ZNG1F: variants seen among roughly 807,000 people sequenced by gnomAD.
The protein encoded by ZNG1F is zinc-regulated GTPase metalloprotein activator 1F.
At chr9:41,154,833 C>T in the ZNG1F span, among the ~76,000 whole-genome samples, 1 of 149,924 alleles carries the variant, frequency 6.7e-6, no homozygotes, top group Admixed American at 6.8e-5. Flanking sequence ...CCCTTCCTTA[C>T]ACCTTATACA....
chr9:41,162,265 ATTAC>A, the ZNG1F span: 1 of 158,796 alleles, frequency 6.3e-6, no homozygotes, highest in Admixed American at 1.6e-4. Flanking sequence ...ATATTTGTCA[ATTAC>A]TTAATGTTTA....
chr9:41,201,747 AG>A, the ZNG1F span, among the ~76,000 whole-genome samples: 1 of 138,494 alleles, frequency 7.2e-6, no homozygotes, highest in Non-Finnish European at 1.6e-5. Flanking sequence ...TGAAACTGTT[AG>A]AAGCACCTTT....
At chr9:41,173,803 G>A in the ZNG1F span, among the ~76,000 whole-genome samples, 2 of 140,808 alleles carry the variant, frequency 1.4e-5, no homozygotes, top group African/African-American at 2.6e-5. Flanking sequence ...CACTGTCTGG[G>A]GTTTTTTAAT....
chr9:41,193,490 TA>T, the ZNG1F span, among the ~76,000 whole-genome samples: 1 of 149,654 alleles, frequency 6.7e-6, no homozygotes, highest in Admixed American at 6.8e-5. Flanking sequence ...GGTCCCAAAA[TA>T]GACGAGTTTT....
the ZNG1F span, among the ~76,000 whole-genome samples, chr9:41,138,133 G>T: frequency 7.2e-6 from 1 of 138,872 alleles, no homozygotes; most frequent in African/African-American, 2.8e-5. Context: ...ATGTTTCCCG[G>T]ATTTGTTTCA....
the ZNG1F span, among the ~76,000 whole-genome samples, chr9:41,201,480 G>A: frequency 4.7e-4 from 70 of 147,806 alleles, 1 homozygote; most frequent in Middle Eastern, 6.9e-3. Context: ...AAATAAATAT[G>A]TTAGCAACCT....
chr9:41,187,578 G>T, the ZNG1F span, among the ~76,000 whole-genome samples: 3 of 149,586 alleles, frequency 2.0e-5, no homozygotes, highest in African/African-American at 7.4e-5. Context: ...CAGTCAGATT[G>T]ACATTTATAA....
At chr9:41,183,634 C>A in the ZNG1F span, 1 of 1,604,106 alleles carries the variant, frequency 6.2e-7, no homozygotes, top group East Asian at 2.3e-5. Context: ...CCTTGGCTGA[C>A]AGCTAAGGAT....
chr9:41,145,568 A>G, the ZNG1F span: 2 of 413,858 alleles, frequency 4.8e-6, no homozygotes, highest in East Asian at 8.3e-5. Flanking sequence ...GCACAGAATA[A>G]AGAGAAAAAC....
chr9:41,155,977 T>A, the ZNG1F span, among the ~76,000 whole-genome samples: 1 of 128,274 alleles, frequency 7.8e-6, no homozygotes. Flanking sequence ...AAAACTTAAA[T>A]AATAATAAAT....
At chr9:41,132,560 G>A in the ZNG1F span, 6 of 1,372,368 alleles carry the variant, frequency 4.4e-6, no homozygotes, top group South Asian at 1.6e-5. Context: ...AGGTTTCTGT[G>A]TATTGATTTT....
chr9:41,164,957 A>T, the ZNG1F span: 15 of 1,562,492 alleles, frequency 9.6e-6, no homozygotes, highest in Non-Finnish European at 1.3e-5. Flanking sequence ...CATTCTGTGT[A>T]TACAATATGG....
At chr9:41,146,224 C>T in the ZNG1F span, among the ~76,000 whole-genome samples, 1 of 141,562 alleles carries the variant, frequency 7.1e-6, no homozygotes, top group African/African-American at 2.7e-5. Flanking sequence ...AATGGCCTTC[C>T]CTATAGTGGT....
At chr9:41,175,390 ATTACT>A in the ZNG1F span, among the ~76,000 whole-genome samples, 1 of 146,550 alleles carries the variant, frequency 6.8e-6, no homozygotes, top group Non-Finnish European at 1.5e-5. Flanking sequence ...TTTCAAGGAA[ATTACT>A]TTACCATGAC....
At chr9:41,155,948 C>T in the ZNG1F span, among the ~76,000 whole-genome samples, 1 of 136,290 alleles carries the variant, frequency 7.3e-6, no homozygotes. Context: ...CTAACCTGCA[C>T]ATTGTGCACA....
chr9:41,150,378 C>A, the ZNG1F span, among the ~76,000 whole-genome samples: 1 of 139,902 alleles, frequency 7.1e-6, no homozygotes, highest in South Asian at 2.2e-4. Flanking sequence ...AACTGCAAGG[C>A]GGCAGCGAGG....
chr9:41,198,501 T>A, the ZNG1F span, among the ~76,000 whole-genome samples: 1 of 146,860 alleles, frequency 6.8e-6, no homozygotes, highest in Non-Finnish European at 1.5e-5. Flanking sequence ...CATGTATTTT[T>A]GTTCATGAAA....
At chr9:41,155,284 G>A in the ZNG1F span, among the ~76,000 whole-genome samples, 1 of 150,478 alleles carries the variant, frequency 6.6e-6, no homozygotes, top group African/African-American at 2.4e-5. Flanking sequence ...TCAGAGAAAT[G>A]CAAATCAAAA....
chr9:41,159,201 T>C, the ZNG1F span, among the ~76,000 whole-genome samples: 382 of 136,810 alleles, frequency 2.8e-3, no homozygotes, highest in Admixed American at 7.6e-3. Context: ...GTGAGTCTCA[T>C]AAACAGGGTG....
Sources: gnomAD v4.1 joint callset for allele counts (sites outside exome capture counted in the v4.1 genomes callset) on GRCh38, gnomAD v4.1.1 for gene constraint, MANE v1.5 for transcripts, NCBI Gene and HGNC (gene_info 2026-07-23, HGNC 2026-07-21) for gene names.